The following ERICH6 variants were observed in gnomAD, a reference collection of about 807,000 sequenced individuals.
The protein encoded by ERICH6 is glutamate rich 6, also known as glutamate-rich protein 6.
In ERICH6, 71 loss-of-function variants were observed where a neutral mutation model predicts 71.0. That is an observed-to-expected ratio of 1.00 (90% CI 0.83 to 1.22). The LOEUF is 1.22. ERICH6 is among the 50% of genes most tolerant of loss of function. The pLI, the probability that ERICH6 is intolerant of heterozygous loss-of-function variation, is 0.00. For missense variants in ERICH6, 808 were observed against 797.2 expected (o/e 1.01, Z -0.16); for synonymous variants, 262 against 278.4 (o/e 0.94, Z 0.59).
chr3:150,674,645 T>A (rs1711581714), intron 10 of ERICH6, among the ~76,000 whole-genome samples: 1 of 152,164 alleles, frequency 6.6e-6, no homozygotes, highest in Non-Finnish European at 1.5e-5. Context: ...ACATATGCAA[T>A]CTTGCTGGAA....
chr3:150,662,240 G>A (rs1157958710), intron 13 of ERICH6, among the ~76,000 whole-genome samples: 1 of 152,176 alleles, frequency 6.6e-6, no homozygotes, highest in Non-Finnish European at 1.5e-5. Context: ...GGCTGGCCCT[G>A]GCGAAAGGTA....
At chr3:150,696,594 C>T (rs554084609) in intron 3 of ERICH6, among the ~76,000 whole-genome samples, 2 of 152,018 alleles carry the variant, frequency 1.3e-5, no homozygotes, top group African/African-American at 4.8e-5. Context: ...GAAAAGACAA[C>T]TCAATGGAAA....
Position 150,667,010 on chromosome 3 carries a change from T to A in ERICH6, c.1505A>T (p.Tyr502Phe). 18 of 1,612,910 alleles carry A rather than the reference T, an allele frequency of 1.1e-5. No homozygotes were observed. The highest frequency in any genetic ancestry group is 1.5e-5 in the Non-Finnish European group (18 of 1,179,224). The change falls in exon 13 of 14, where the codon TAC (tyrosine) becomes TTC (phenylalanine). Residue 502 changes from tyrosine (Y) to phenylalanine (F), a missense_variant. By Grantham distance (22) the Tyr-to-Phe change is conservative (BLOSUM62 3). Around this residue, in one of 3 missense-constraint regions of ERICH6, gnomAD observed 736 missense variants for 712.2 expected, o/e 1.03. Coordinates refer to ENST00000295910, the MANE Select transcript of ERICH6 (RefSeq NM_152394.5). ...ATATTGACCTCCCAAGATATTGATG[T>A]ATACCCTGGTCAGGAAGGAAATGTA... Reference protein sequence around the residue: ...CYHPNGNVWVYINILGGQYSD... With the variant: ...CYHPNGNVWVFINILGGQYSD...
intron 13 of ERICH6, among the ~76,000 whole-genome samples, chr3:150,664,859 TA>T (rs964531269): frequency 8.2e-5 from 12 of 147,110 alleles, no homozygotes; most frequent in South Asian, 2.1e-4. Context: ...TGCTTGTAAT[TA>T]AAAAAAAAAC....
At chr3:150,681,938 C>T (rs1263761560) in intron 7 of ERICH6, among the ~76,000 whole-genome samples, 2 of 151,640 alleles carry the variant, frequency 1.3e-5, no homozygotes, top group Non-Finnish European at 2.9e-5. Context: ...CCACAGCCTC[C>T]CAAGTAGCTG....
rs1466123180 is a variant in ERICH6, at chr3:150,703,598, T to C, written c.301A>G (p.Ile101Val). The C allele has an allele frequency of 6.2e-7, 1 of 1,614,068 alleles. No individual in the cohort carries two copies. The highest frequency in any genetic ancestry group is 1.1e-5 in the South Asian group (1 of 91,078). ...GTAGAGGTCAGGCTAGGGCTGACGATGCTGGCTAAGCGGGGGCGCACGTCT... is the reference window on the plus strand; with the variant it reads ...GTAGAGGTCAGGCTAGGGCTGACGACGCTGGCTAAGCGGGGGCGCACGTCT... The part of the protein sequence containing the change: ...FPDVRPRLAS[I>V]VSPSLTSTFV... The change falls in exon 1 of 14, where the codon ATC becomes GTC. Residue 101 changes from isoleucine (I) to valine (V), a missense_variant. Ile to Val is a conservative substitution (Grantham distance 29). Transcript: ENST00000295910.
chr3:150,700,481 G>T (rs1712830407), intron 2 of ERICH6, among the ~76,000 whole-genome samples: 1 of 151,856 alleles, frequency 6.6e-6, no homozygotes, highest in Non-Finnish European at 1.5e-5. Context: ...AGCAACAAAA[G>T]AAAGAAGACA....
chr3:150,699,238 G>T (rs112149939), intron 2 of ERICH6, among the ~76,000 whole-genome samples: 2,607 of 152,292 alleles, frequency 0.017, 69 homozygotes, highest in African/African-American at 0.058. Flanking sequence ...TTGAGCCCAG[G>T]AAGTGGAGGC....
At chr3:150,665,002 G>C (rs1208443878) in intron 13 of ERICH6, among the ~76,000 whole-genome samples, 1 of 152,004 alleles carries the variant, frequency 6.6e-6, no homozygotes, top group African/African-American at 2.4e-5. Flanking sequence ...GTGCAGGGGT[G>C]GGGGAAGGAA....
At chr3:150,669,810 G>A (rs1012929572) in intron 11 of ERICH6, among the ~76,000 whole-genome samples, 3 of 152,172 alleles carry the variant, frequency 2.0e-5, no homozygotes, top group African/African-American at 7.2e-5. Flanking sequence ...AAAAGCATTT[G>A]ACAAGTTTCA....
intron 10 of ERICH6, among the ~76,000 whole-genome samples, chr3:150,676,608 C>T (rs529802924): frequency 1.1e-4 from 17 of 152,116 alleles, no homozygotes; most frequent in Non-Finnish European, 1.9e-4. Context: ...TTCTGCCAGT[C>T]ACCTGGGTTT....
chr3:150,669,153 T>TG, intron 12 of ERICH6, 143 bp downstream of exon 12: 1 of 858,088 alleles, frequency 1.2e-6, no homozygotes, highest in Non-Finnish European at 1.7e-6. Flanking sequence ...AAACCAAAAA[T>TG]GTCTCTGAGT....
intron 3 of ERICH6, among the ~76,000 whole-genome samples, chr3:150,698,307 C>T (rs926647781): frequency 2.0e-5 from 3 of 152,034 alleles, no homozygotes; most frequent in Non-Finnish European, 4.4e-5. Flanking sequence ...ATGTTAGGTG[C>T]TTGGCAAATG....
Position 150,703,717 on chromosome 3 carries a change from A to C in ERICH6, c.182T>G (p.Val61Gly), listed in dbSNP as rs1409317512. 1.4e-5 allele frequency: 21 copies of C among 1,500,248 alleles called. No homozygotes were observed. The highest frequency in any genetic ancestry group is 1.9e-5 in the Non-Finnish European group (21 of 1,123,674). The allele number at this position is 1,500,248 out of a possible 1,614,324, so 92.9% of individuals were successfully genotyped here. The change falls in exon 1 of 14, where the codon GTG becomes GGG. Residue 61 changes from valine (V) to glycine (G), a missense_variant. Transcript: ENST00000295910. ...EEEEVVEEELVGEEQELEAPE... is the reference protein window; with the variant it reads ...EEEEVVEEELGGEEQELEAPE... The stretch of plus-strand genomic sequence containing the variant: ...GGCCTCCAACTCCTGCTCTTCCCCC[A>C]CCAACTCCTCCTCCACCACCTCCTC...
chr3:150,702,849 T>C (rs1344284006), intron 1 of ERICH6, among the ~76,000 whole-genome samples: 1 of 144,582 alleles, frequency 6.9e-6, no homozygotes, highest in Non-Finnish European at 1.5e-5. Context: ...ACTGTTTCAG[T>C]AGTACAGCAC....
intron 6 of ERICH6, among the ~76,000 whole-genome samples, chr3:150,684,907 G>A (rs1712115522): frequency 6.6e-6 from 1 of 152,066 alleles, no homozygotes; most frequent in South Asian, 2.1e-4. Flanking sequence ...TTGGGAGACA[G>A]AGGTGAGGAT....
chr3:150,671,199 C>A (rs1466218643), intron 11 of ERICH6, among the ~76,000 whole-genome samples: 1 of 152,154 alleles, frequency 6.6e-6, no homozygotes, highest in Non-Finnish European at 1.5e-5. Flanking sequence ...ACTAAAACTT[C>A]ATTATGCTTC....
intron 6 of ERICH6, among the ~76,000 whole-genome samples, chr3:150,685,505 T>C (rs1027496796): frequency 3.3e-5 from 5 of 152,140 alleles, no homozygotes; most frequent in African/African-American, 7.2e-5. Context: ...GAACTTCTAG[T>C]CTCCATAACT....
chr3:150,703,886 G>C lies in ERICH6; in HGVS notation c.13C>G (p.Arg5Gly). 6.2e-7 allele frequency: 1 copy of C among 1,613,910 alleles called. No individual in the cohort carries two copies. The highest frequency in any genetic ancestry group is 1.7e-5 in the Admixed American group (1 of 60,004). Residue 5 changes from arginine to glycine, a missense_variant, in exon 1 of 14, where the codon CGC (arginine) becomes GGC (glycine). Arg to Gly is a moderately radical substitution (Grantham distance 125, BLOSUM62 -2). Coordinates refer to ENST00000295910, the MANE Select transcript of ERICH6 (RefSeq NM_152394.5). ...GGGTCTCCGAAGCCGCTAGGCGAGCGCAAGTGGGCCATGGCTGGCGGGAGG... is the reference window on the plus strand; with the variant it reads ...GGGTCTCCGAAGCCGCTAGGCGAGCCCAAGTGGGCCATGGCTGGCGGGAGG... MAHL[R>G]SPSGFGDPGK...
Sources: gnomAD v4.1 joint callset for allele counts (sites outside exome capture counted in the v4.1 genomes callset) on GRCh38, gnomAD v4.1.1 for gene constraint, gnomAD v4.1.1 regional missense constraint, MANE v1.5 for transcripts, NCBI Gene and HGNC (gene_info 2026-07-23, HGNC 2026-07-21) for gene names.